Variants in SEMA5B observed in about 807,000 individuals in gnomAD.
The protein encoded by SEMA5B is semaphorin-5B.
A neutral mutation model predicts 135.0 loss-of-function variants in SEMA5B; 66 were observed. The observed-to-expected ratio is 0.49, with a 90% CI of 0.40 to 0.60. The LOEUF is 0.60. Ranked by LOEUF, SEMA5B falls within the 20% of genes least tolerant of loss-of-function variation. The pLI is 0.00. For missense variants in SEMA5B, 1,501 were observed against 1,566.3 expected (o/e 0.96, Z 0.70); for synonymous variants, 690 against 639.5 (o/e 1.08, Z -1.19).
chr3:122,913,628 C>A lies in SEMA5B; in HGVS notation c.2186G>T (p.Gly729Val). 1 of 1,613,500 alleles carries A rather than the reference C, an allele frequency of 6.2e-7. No homozygotes were observed. The highest frequency in any genetic ancestry group is 1.7e-5 in the Admixed American group (1 of 60,006). ...GTTGCTGCTGCACTTGCTCCAGGAG[C>A]CCCAGGAAGCCCAGAAGATGGGCAC... ...CPVPIFWASW[G>V]SWSKCSSNCG... The change falls in exon 16 of 23, where the codon GGC (glycine) becomes GTC (valine). Residue 729 changes from glycine to valine, a missense_variant. Transcript: ENST00000357599.
chr3:122,978,983 G>A (rs1452896325), intron 1 of SEMA5B, among the ~76,000 whole-genome samples: 1 of 152,168 alleles, frequency 6.6e-6, no homozygotes, highest in African/African-American at 2.4e-5. Context: ...GCCATCTTCA[G>A]CCTGCCCTGT....
intron 10 of SEMA5B, among the ~76,000 whole-genome samples, chr3:122,922,976 G>A (rs536414243): frequency 6.6e-5 from 10 of 152,336 alleles, no homozygotes; most frequent in South Asian, 4.1e-4. Context: ...TAAGGAAAAG[G>A]AGACTGAAGG....
intron 1 of SEMA5B, among the ~76,000 whole-genome samples, chr3:122,966,970 T>C (rs1313657572): frequency 6.8e-6 from 1 of 147,252 alleles, no homozygotes; most frequent in East Asian, 2.0e-4. Context: ...ACACAACCTC[T>C]GCCTCCTGGG....
chr3:123,014,538 G>C (rs987075262), intron 1 of SEMA5B, among the ~76,000 whole-genome samples: 2 of 152,220 alleles, frequency 1.3e-5, no homozygotes, highest in Admixed American at 6.5e-5. Context: ...TGTACCCCAA[G>C]GGGGCTTAGC....
intron 5 of SEMA5B, among the ~76,000 whole-genome samples, chr3:122,938,990 AC>A (rs2107511371): frequency 6.6e-6 from 1 of 152,266 alleles, no homozygotes; most frequent in East Asian, 1.9e-4. Flanking sequence ...AACTAGGAAC[AC>A]CCTTTCCGTG....
intron 1 of SEMA5B, among the ~76,000 whole-genome samples, chr3:123,014,829 C>T (rs1387770527): frequency 1.3e-5 from 2 of 152,182 alleles, no homozygotes; most frequent in African/African-American, 4.8e-5. Flanking sequence ...CGTGTCCCCC[C>T]ACAAAGCTCA....
intron 2 of SEMA5B, among the ~76,000 whole-genome samples, chr3:122,959,691 A>G (rs894641368): frequency 1.3e-5 from 2 of 152,226 alleles, no homozygotes; most frequent in African/African-American, 4.8e-5. Flanking sequence ...AAATGCATGC[A>G]CAGAGAGCAT....
intron 2 of SEMA5B, among the ~76,000 whole-genome samples, chr3:122,954,205 C>T (rs1306176348): frequency 6.6e-6 from 1 of 152,166 alleles, no homozygotes; most frequent in Non-Finnish European, 1.5e-5. Context: ...AGGCATGAGC[C>T]TCTGTGCCCA....
At chr3:122,920,427 T>C (rs1178302398) in intron 12 of SEMA5B, among the ~76,000 whole-genome samples, 1 of 152,104 alleles carries the variant, frequency 6.6e-6, no homozygotes, top group African/African-American at 2.4e-5. Context: ...TGAAAGCCTG[T>C]GATTCATTGC....
intron 5 of SEMA5B, among the ~76,000 whole-genome samples, chr3:122,931,135 G>A (rs527710119): frequency 1.3e-5 from 2 of 152,084 alleles, no homozygotes; most frequent in Non-Finnish European, 2.9e-5. Flanking sequence ...TTAAAACTCC[G>A]ACGACCCACT....
intron 1 of SEMA5B, among the ~76,000 whole-genome samples, chr3:122,981,907 T>C (rs1941532312): frequency 6.6e-6 from 1 of 152,340 alleles, no homozygotes; most frequent in African/African-American, 2.4e-5. Flanking sequence ...AGTCTGGGTA[T>C]AATTCCAAGT....
intron 9 of SEMA5B, 130 bp from the exon 10 acceptor site, chr3:122,923,882 G>A (rs965127443): frequency 1.2e-5 from 9 of 765,092 alleles, no homozygotes; most frequent in African/African-American, 3.5e-5. Context: ...CTGGCACATG[G>A]GGGGATCTCA....
chr3:122,928,108 T>G, intron 7 of SEMA5B, 105 bp from the exon 8 acceptor site: 1 of 728,638 alleles, frequency 1.4e-6, no homozygotes, highest in Non-Finnish European at 2.1e-6. Context: ...TCTCTGGGCC[T>G]CTCCCCTCCT....
rs574119826 is a variant in SEMA5B at position 122,934,002 on chromosome 3, G to A, written c.475-4944C>T. Among the ~76,000 whole-genome samples the A allele has an allele frequency of 2.7e-3, 253 of 94,834 alleles. 3 individuals carry two copies. Among genetic ancestry groups the A allele is most frequent in the Non-Finnish European group, 5.3e-3 (194 of 36,946 alleles). 62.2% of individuals were successfully genotyped at this position (94,834 alleles called of 152,430 possible). Reference sequence around the variant, plus strand: ...TGCTCACTGCAACCTTTGCCACCCAGGTTCAAGTGATTCTCCTGCCTCGGC... The same window carrying A: ...TGCTCACTGCAACCTTTGCCACCCAAGTTCAAGTGATTCTCCTGCCTCGGC... On this transcript the variant is annotated intron_variant, in intron 5 of 22. Transcript: ENST00000357599.
At chr3:122,963,822 C>T (rs1166868731) in intron 1 of SEMA5B, among the ~76,000 whole-genome samples, 1 of 152,126 alleles carries the variant, frequency 6.6e-6, no homozygotes, top group Non-Finnish European at 1.5e-5. Context: ...TTACAAAGTC[C>T]AGGTTCTTTC....
At chr3:122,945,330 T>A (rs1939737702) in intron 3 of SEMA5B, among the ~76,000 whole-genome samples, 1 of 152,298 alleles carries the variant, frequency 6.6e-6, no homozygotes, top group East Asian at 1.9e-4. Context: ...TTGGGCAATA[T>A]AGGATAAGAA....
At position 122,922,453 on chromosome 3, in the gene SEMA5B, G is replaced by T; in HGVS notation, c.1273-6C>A. On this transcript the variant is annotated splice_polypyrimidine_tract_variant and splice_region_variant and intron_variant, in intron 10 of 22. Transcript: ENST00000357599. ...GTCTCAGGCAGGGTGCCACACTGCC[G>T]CGGGGAGCCAGGTCACGCGCGCCCC... 6.3e-7 allele frequency: 1 copy of T among 1,587,104 alleles called. No individual in the cohort carries two copies. Among genetic ancestry groups the T allele is most frequent in the Non-Finnish European group, 8.6e-7 (1 of 1,167,596 alleles).
intron 1 of SEMA5B, among the ~76,000 whole-genome samples, chr3:122,985,339 A>AT (rs1255918401): frequency 2.0e-5 from 3 of 151,998 alleles, no homozygotes; most frequent in African/African-American, 7.3e-5. Context: ...AATTAAAAAA[A>AT]TTTTTTTTAA....
intron 1 of SEMA5B, among the ~76,000 whole-genome samples, chr3:122,973,766 C>T (rs1199785553): frequency 6.6e-6 from 1 of 152,090 alleles, no homozygotes; most frequent in Non-Finnish European, 1.5e-5. Flanking sequence ...ATCTGCAACC[C>T]ACCAAGTGTG....
Sources: allele counts gnomAD v4.1 joint callset (sites outside exome capture counted in the v4.1 genomes callset), GRCh38; gene constraint gnomAD v4.1.1; transcripts MANE v1.5; gene names NCBI Gene and HGNC (gene_info 2026-07-23, HGNC 2026-07-21).